The following CEP112 variants were observed in gnomAD, a reference collection of about 807,000 sequenced individuals.
CEP112 encodes centrosomal protein of 112 kDa.
CEP112 carries 127 observed loss-of-function variants against 153.0 expected under a neutral mutation model. The ratio of observed to expected loss-of-function variants is 0.83; its 90% CI spans 0.72 to 0.96. The LOEUF (loss-of-function observed/expected upper bound fraction) is 0.96. Ranked by LOEUF, CEP112 falls within the 40% of genes least tolerant of loss-of-function variation. CEP112 has a pLI of 0.00. For missense variants in CEP112, 1,089 were observed against 1,101.2 expected, an observed-to-expected ratio of 0.99 and a Z score of 0.16; for synonymous variants, 358 against 374.4, an observed-to-expected ratio of 0.96 and a Z score of 0.51.
chr17:66,147,955 T>C (rs961573476), intron 4 of CEP112, among the ~76,000 whole-genome samples: 1 of 151,964 alleles, frequency 6.6e-6, no homozygotes, highest in African/African-American at 2.4e-5. Flanking sequence ...TCCAACTTCG[T>C]TTTTTTTCTA....
chr17:65,666,152 A>C (rs2046679514), intron 24 of CEP112, among the ~76,000 whole-genome samples: 1 of 152,068 alleles, frequency 6.6e-6, no homozygotes, highest in African/African-American at 2.4e-5. Flanking sequence ...CCAAATCCGA[A>C]CTCTGGGAGC....
At chr17:65,936,868 C>T (rs551509391) in intron 18 of CEP112, among the ~76,000 whole-genome samples, 31 of 148,292 alleles carry the variant, frequency 2.1e-4, no homozygotes, top group African/African-American at 6.4e-4. Flanking sequence ...GATGCCGAGC[C>T]GAAGCTGTAC....
chr17:65,770,149 C>G (rs1337561902), intron 21 of CEP112, among the ~76,000 whole-genome samples: 1 of 148,474 alleles, frequency 6.7e-6, no homozygotes. Context: ...GATCATCAAA[C>G]AAACAAACAA....
chr17:65,655,291 C>T (rs369199641), intron 24 of CEP112: 56 of 1,392,666 alleles, frequency 4.0e-5, no homozygotes, highest in African/African-American at 2.7e-4. Flanking sequence ...GCAGGCTGAG[C>T]GACCGCAGCC....
intron 19 of CEP112, among the ~76,000 whole-genome samples, chr17:65,905,492 A>G (rs1474442311): frequency 6.6e-6 from 1 of 152,232 alleles, no homozygotes; most frequent in Non-Finnish European, 1.5e-5. Flanking sequence ...ACACTTTTAC[A>G]CTATTGGTGG....
chr17:65,699,455 C>T (rs232141), intron 23 of CEP112, among the ~76,000 whole-genome samples: 16,474 of 152,122 alleles, frequency 0.11, 1,046 homozygotes, highest in Admixed American at 0.19. Flanking sequence ...AAGTGGCCTC[C>T]CTTCTTGTTT....
At chr17:65,997,790 T>C (rs1568356992) in intron 17 of CEP112, among the ~76,000 whole-genome samples, 6 of 149,820 alleles carry the variant, frequency 4.0e-5, no homozygotes, top group African/African-American at 1.5e-4. Flanking sequence ...ACCCTAAACA[T>C]CCCCCCCCCC....
intron 8 of CEP112, among the ~76,000 whole-genome samples, chr17:66,085,307 A>G (rs2067878726): frequency 6.6e-6 from 1 of 152,144 alleles, no homozygotes. Context: ...TAATCATCCT[A>G]AAAAGAAACT....
chr17:66,088,473 CT>C (rs1356709833), intron 8 of CEP112, among the ~76,000 whole-genome samples: 1 of 151,896 alleles, frequency 6.6e-6, no homozygotes, highest in Non-Finnish European at 1.5e-5. Flanking sequence ...CAGACTCAGC[CT>C]CCATGCTGGC....
intron 24 of CEP112, among the ~76,000 whole-genome samples, chr17:65,668,373 G>A (rs560971063): frequency 6.6e-5 from 10 of 152,256 alleles, no homozygotes; most frequent in African/African-American, 1.4e-4. Flanking sequence ...CAATATACAC[G>A]TTAAGCCTTT....
rs537002379 is a variant in CEP112 at position 65,951,751 on chromosome 17, C to G, written c.1872+9712G>C. On this transcript the variant is annotated intron_variant, in intron 18 of 26. Transcript: ENST00000535342. ...TGCTCTAATCTTCCCCCGCCCCCCC[C>G]TTTCTTCCACTTGCTTAGAAGCTTG... Among the ~76,000 whole-genome samples, 4 of 142,654 alleles carry G rather than the reference C, an allele frequency of 2.8e-5. No homozygotes were observed. The South Asian group carries it at 9.6e-4, about 34-fold the overall frequency. 93.6% of individuals were successfully genotyped at this position (142,654 alleles called of 152,430 possible).
At chr17:66,081,211 G>C (rs2067703606) in intron 8 of CEP112, among the ~76,000 whole-genome samples, 1 of 152,018 alleles carries the variant, frequency 6.6e-6, no homozygotes, top group South Asian at 2.1e-4. Context: ...AAAAAGTTTA[G>C]TTCTCTTCAT....
At chr17:65,951,601 C>T (rs1254519589) in intron 18 of CEP112, among the ~76,000 whole-genome samples, 2 of 152,080 alleles carry the variant, frequency 1.3e-5, no homozygotes, top group African/African-American at 4.8e-5. Flanking sequence ...TTGGCAATTT[C>T]TAACTCCTCG....
intron 6 of CEP112, among the ~76,000 whole-genome samples, chr17:66,122,276 T>C (rs528826233): frequency 6.6e-6 from 1 of 152,170 alleles, no homozygotes; most frequent in South Asian, 2.1e-4. Context: ...GAAGTCTTTG[T>C]TTGTTAAATC....
At chr17:66,022,029 C>G (rs1598135706) in intron 16 of CEP112, among the ~76,000 whole-genome samples, 1 of 152,136 alleles carries the variant, frequency 6.6e-6, no homozygotes, top group East Asian at 1.9e-4. Context: ...GTAAGATTCC[C>G]ACGCCCCTTG....
intron 12 of CEP112, among the ~76,000 whole-genome samples, chr17:66,034,548 T>A (rs949451601): frequency 4.0e-5 from 6 of 150,480 alleles, no homozygotes; most frequent in Non-Finnish European, 8.9e-5. Context: ...AGAAAAAGGG[T>A]TTCTGTTAGC....
intron 20 of CEP112, among the ~76,000 whole-genome samples, chr17:65,868,476 G>A (rs2058553352): frequency 6.6e-6 from 1 of 151,088 alleles, no homozygotes. Flanking sequence ...CTCCAGCCTG[G>A]GCAACAAAGT....
intron 21 of CEP112, among the ~76,000 whole-genome samples, chr17:65,837,998 A>G (rs2057386017): frequency 6.6e-6 from 1 of 152,132 alleles, no homozygotes; most frequent in Admixed American, 6.5e-5. Flanking sequence ...ACCTTTGTTC[A>G]CATGTTTATC....
chr17:65,762,877 T>G (rs1378170609), intron 21 of CEP112, among the ~76,000 whole-genome samples: 1 of 152,084 alleles, frequency 6.6e-6, no homozygotes, highest in Admixed American at 6.6e-5. Context: ...AAATAAAAGT[T>G]TTAATTTTAT....
Sources: allele counts gnomAD v4.1 joint callset (sites outside exome capture counted in the v4.1 genomes callset), GRCh38; gene constraint gnomAD v4.1.1; transcripts MANE v1.5; gene names NCBI Gene and HGNC (gene_info 2026-07-23, HGNC 2026-07-21).